The following TRPM7 variants were observed in gnomAD, a reference collection of about 807,000 sequenced individuals.
TRPM7 encodes LTRPC ion channel family member 7.
A neutral mutation model predicts 229.7 loss-of-function variants in TRPM7; 134 were observed. The ratio of observed to expected loss-of-function variants is 0.58; its 90% CI spans 0.51 to 0.67. The LOEUF is 0.67. TRPM7 is among the 30% of genes least tolerant of loss of function. The pLI, the probability that TRPM7 is intolerant of heterozygous loss-of-function variation, is 0.00. For missense variants in TRPM7, 1,901 were observed against 2,210.0 expected (o/e 0.86, Z 2.80); for synonymous variants, 699 against 715.2 (o/e 0.98, Z 0.36).
At chr15:50,635,102 G>A (rs2060850030) in intron 7 of TRPM7, among the ~76,000 whole-genome samples, 1 of 151,800 alleles carries the variant, frequency 6.6e-6, no homozygotes, top group African/African-American at 2.4e-5. Context: ...CGGATCACAA[G>A]GTCAGGAGAT....
At position 50,628,034 on chromosome 15, in the gene TRPM7, A is replaced by G; in HGVS notation, c.1305+115T>C. 4.1e-6 allele frequency: 3 copies of G among 731,058 alleles called. 1 individual carries two copies. The South Asian group carries it at 5.3e-5, about 13-fold the overall frequency. 45.3% of individuals were successfully genotyped at this position (731,058 alleles called of 1,614,324 possible). A position where few individuals can be genotyped will look rare whatever the true frequency, so the allele number is the denominator to read the frequency against. On this transcript the variant is annotated intron_variant, in intron 11 of 38. Coordinates refer to ENST00000646667, the MANE Select transcript of TRPM7 (RefSeq NM_017672.6). ...TGGTGTAGAAATACTTAGCTAAACT[A>G]TTTTTGAACTATTGGCAGAAAGGTA...
intron 38 of TRPM7, 24 bp from the exon 39 acceptor site, chr15:50,561,832 T>TAAA: frequency 6.2e-6 from 8 of 1,297,518 alleles, no homozygotes; most frequent in Admixed American, 2.8e-5. Context: ...CCACAACAAT[T>TAAA]AAAAAAAAAA....
intron 1 of TRPM7, among the ~76,000 whole-genome samples, chr15:50,683,461 T>G (rs12437967): frequency 0.59 from 88,849 of 150,890 alleles, 26,252 homozygotes; most frequent in African/African-American, 0.65. Context: ...GAAGCCAGGG[T>G]CAGTGGCTCA....
At chr15:50,565,832 T>G (rs1031085150) in intron 38 of TRPM7, among the ~76,000 whole-genome samples, 2 of 151,952 alleles carry the variant, frequency 1.3e-5, no homozygotes, top group Non-Finnish European at 2.9e-5. Flanking sequence ...CTTTTTGTTT[T>G]TTTTTTTTTG....
chr15:50,670,307 G>A lies in TRPM7; in HGVS notation c.4-7261C>T, dbSNP rs78700346. On this transcript the variant is annotated intron_variant, in intron 1 of 38. Coordinates refer to ENST00000646667, the MANE Select transcript of TRPM7 (RefSeq NM_017672.6). ...TTGAATAGGGGCTGAGTAAAATAAG[G>A]CTGAGACCTGCTGGGCTGCATTCCC... is the stretch of plus-strand genomic sequence containing the variant. 2.1e-3 allele frequency among the ~76,000 whole-genome samples: 312 copies of A among 152,176 alleles called. 9 individuals are homozygous for A. The East Asian group carries it at 0.038, about 19-fold the overall frequency.
intron 27 of TRPM7, among the ~76,000 whole-genome samples, chr15:50,588,883 T>C (rs2140342504): frequency 6.6e-6 from 1 of 152,336 alleles, no homozygotes; most frequent in Middle Eastern, 3.4e-3. Context: ...TATCTTGCAC[T>C]TGTACATAAT....
At chr15:50,639,302 A>G in intron 6 of TRPM7, 122 bp downstream of exon 6, 1 of 792,084 alleles carries the variant, frequency 1.3e-6, no homozygotes, top group Non-Finnish European at 1.7e-6. Context: ...TCAGGAAAAT[A>G]CCTTTTAAAC....
chr15:50,628,824 C>T (rs2060642659), intron 10 of TRPM7, among the ~76,000 whole-genome samples: 1 of 152,160 alleles, frequency 6.6e-6, no homozygotes, highest in Non-Finnish European at 1.5e-5. Context: ...ACAGAGATAG[C>T]GCTATTAGGA....
At chr15:50,598,406 T>C (rs111418017) in intron 22 of TRPM7, among the ~76,000 whole-genome samples, 8 of 152,224 alleles carry the variant, frequency 5.3e-5, no homozygotes, top group Admixed American at 2.0e-4. Context: ...AGTTACGTCA[T>C]TGATTATCCA....
chr15:50,591,997 C>T lies in TRPM7; in HGVS notation c.4238G>A (p.Ser1413Asn). The T allele has an allele frequency of 6.2e-7, 1 of 1,612,192 alleles. No individual in the cohort carries two copies. The highest frequency in any genetic ancestry group is 1.1e-5 in the South Asian group (1 of 90,306). ...ATCTTTGGTTCCAGTTTCCAAGTGG[C>T]TTTTGCAACTTGGCTGAGATGGTGT... ...VSTPSQPSCK[S>N]HLETGTKDQE... Residue 1413 changes from serine (S) to asparagine (N), a missense_variant, in exon 26 of 39, where the codon AGC becomes AAC. Ser to Asn is a conservative substitution (Grantham distance 46, BLOSUM62 1). Coordinates refer to ENST00000646667, the MANE Select transcript of TRPM7 (RefSeq NM_017672.6).
At chr15:50,585,441 T>TCC (rs778543729) in intron 28 of TRPM7, among the ~76,000 whole-genome samples, 1 of 152,216 alleles carries the variant, frequency 6.6e-6, no homozygotes, top group Non-Finnish European at 1.5e-5. Flanking sequence ...CTTGTCTTGC[T>TCC]CCCCATCTTG....
chr15:50,635,618 G>A (rs1446404269), intron 7 of TRPM7, among the ~76,000 whole-genome samples: 2 of 139,388 alleles, frequency 1.4e-5, no homozygotes, highest in Non-Finnish European at 3.0e-5. Context: ...AGCTGAGATC[G>A]TGCCACTGCA....
chr15:50,679,532 A>ATGTG (rs1567129464), intron 1 of TRPM7, among the ~76,000 whole-genome samples: 2 of 33,380 alleles, frequency 6.0e-5, no homozygotes, highest in South Asian at 9.7e-4. Context: ...ATATATATAT[A>ATGTG]TATATATTTT....
chr15:50,645,736 T>A (rs1193103023), intron 4 of TRPM7, among the ~76,000 whole-genome samples: 1 of 152,226 alleles, frequency 6.6e-6, no homozygotes, highest in Non-Finnish European at 1.5e-5. Context: ...TTAATGTTTT[T>A]AATACTATAT....
intron 1 of TRPM7, 114 bp downstream of exon 1, chr15:50,686,417 G>C: frequency 1.3e-6 from 2 of 1,563,960 alleles, no homozygotes; most frequent in Non-Finnish European, 1.8e-6. Context: ...AAGGCAATTC[G>C]AGGGTCCTTC....
chr15:50,587,405 C>CTTTTTTTTT (rs34826776), intron 27 of TRPM7, among the ~76,000 whole-genome samples: 6 of 91,646 alleles, frequency 6.5e-5, no homozygotes, highest in Admixed American at 1.3e-4. Flanking sequence ...ATAAATACTG[C>CTTTTTTTTT]TTTTTTTTTT....
At chr15:50,661,339 G>A (rs2061717529) in intron 2 of TRPM7, among the ~76,000 whole-genome samples, 1 of 152,076 alleles carries the variant, frequency 6.6e-6, no homozygotes, top group African/African-American at 2.4e-5. Context: ...CATATAGACT[G>A]AATGTAGCAC....
intron 5 of TRPM7, among the ~76,000 whole-genome samples, chr15:50,642,027 T>A (rs1443181815): frequency 1.3e-5 from 2 of 150,838 alleles, no homozygotes; most frequent in African/African-American, 4.9e-5. Context: ...TTGCTGATAA[T>A]GAATTAGATG....
At chr15:50,685,339 C>G (rs2062333622) in intron 1 of TRPM7, among the ~76,000 whole-genome samples, 1 of 152,206 alleles carries the variant, frequency 6.6e-6, no homozygotes, top group Non-Finnish European at 1.5e-5. Flanking sequence ...TGGCTACAGT[C>G]CCAGCTACTC....
Sources: gnomAD v4.1 joint callset for allele counts (sites outside exome capture counted in the v4.1 genomes callset) on GRCh38, gnomAD v4.1.1 for gene constraint, MANE v1.5 for transcripts, NCBI Gene and HGNC (gene_info 2026-07-23, HGNC 2026-07-21) for gene names.